The following CNTNAP5 variants were observed in gnomAD, a reference collection of about 807,000 sequenced individuals.
CNTNAP5 encodes the protein contactin associated protein family member 5.
A neutral mutation model predicts 150.2 loss-of-function variants in CNTNAP5; 72 were observed. The ratio of observed to expected loss-of-function variants is 0.48; its 90% CI spans 0.40 to 0.58. The LOEUF (loss-of-function observed/expected upper bound fraction) is 0.58. Among genes scored for constraint, CNTNAP5 ranks in the 20% least tolerant of loss-of-function variants. The pLI, the probability that CNTNAP5 is intolerant of heterozygous loss-of-function variation, is 0.00. For missense variants in CNTNAP5, 1,636 were observed against 1,626.2 expected, an observed-to-expected ratio of 1.01 and a Z score of -0.10; for synonymous variants, 672 against 619.8, an observed-to-expected ratio of 1.08 and a Z score of -1.25.
intron 3 of CNTNAP5, among the ~76,000 whole-genome samples, chr2:124,407,784 T>C (rs115692376): frequency 0.011 from 1,621 of 152,326 alleles, 23 homozygotes; most frequent in African/African-American, 0.036. Context: ...CAATCTTCCC[T>C]ACTTAATTAC....
At chr2:124,662,969 T>C (rs1678623477) in intron 13 of CNTNAP5, among the ~76,000 whole-genome samples, 1 of 152,232 alleles carries the variant, frequency 6.6e-6, no homozygotes, top group South Asian at 2.1e-4. Context: ...TTAGCCCAGC[T>C]TTTGATTGTA....
intron 1 of CNTNAP5, among the ~76,000 whole-genome samples, chr2:124,119,464 A>C (rs1192034215): frequency 6.6e-6 from 1 of 152,064 alleles, no homozygotes; most frequent in Non-Finnish European, 1.5e-5. Context: ...AGAATGGGTA[A>C]ATCTTGTTCT....
chr2:124,212,773 C>G (rs1035857392), intron 1 of CNTNAP5, among the ~76,000 whole-genome samples: 7 of 151,140 alleles, frequency 4.6e-5, no homozygotes, highest in Admixed American at 6.6e-5. Flanking sequence ...ACTTTCAGTA[C>G]CACCAATGAT....
chr2:124,097,628 C>T (rs1682965753), intron 1 of CNTNAP5, among the ~76,000 whole-genome samples: 1 of 152,178 alleles, frequency 6.6e-6, no homozygotes, highest in Non-Finnish European at 1.5e-5. Context: ...TTTCCCTATG[C>T]TCTACTTGAA....
chr2:124,669,869 C>T (rs1482003723), intron 13 of CNTNAP5, among the ~76,000 whole-genome samples: 1 of 152,182 alleles, frequency 6.6e-6, no homozygotes, highest in Non-Finnish European at 1.5e-5. Flanking sequence ...CTTGGCCATT[C>T]CCAGGCCCAA....
intron 13 of CNTNAP5, among the ~76,000 whole-genome samples, chr2:124,682,622 T>A (rs911986442): frequency 1.3e-5 from 2 of 152,202 alleles, no homozygotes; most frequent in Non-Finnish European, 2.9e-5. Context: ...GTAGTTTCTC[T>A]CGGGTAGACA....
intron 19 of CNTNAP5, among the ~76,000 whole-genome samples, chr2:124,813,671 G>C (rs1682288458): frequency 6.6e-6 from 1 of 151,418 alleles, no homozygotes; most frequent in African/African-American, 2.4e-5. Context: ...ATCTGCTTCT[G>C]CTTGATTTTT....
chr2:124,688,650 G>T (rs1490058900), intron 13 of CNTNAP5, among the ~76,000 whole-genome samples: 1 of 152,080 alleles, frequency 6.6e-6, no homozygotes, highest in African/African-American at 2.4e-5. Context: ...TCGGGGACAT[G>T]CAGTTAGCTA....
chr2:124,669,130 C>G (rs940873611), intron 13 of CNTNAP5, among the ~76,000 whole-genome samples: 1 of 152,194 alleles, frequency 6.6e-6, no homozygotes, highest in East Asian at 1.9e-4. Context: ...TATTCACTCA[C>G]TTTCATTTCA....
At chr2:124,797,554 GT>G (rs1251945879) in intron 18 of CNTNAP5, among the ~76,000 whole-genome samples, 1 of 152,142 alleles carries the variant, frequency 6.6e-6, no homozygotes, top group Non-Finnish European at 1.5e-5. Flanking sequence ...CTTATTTGCT[GT>G]TTTCGTTGTT....
chr2:124,206,239 C>G (rs1189708425), intron 1 of CNTNAP5, among the ~76,000 whole-genome samples: 1 of 152,168 alleles, frequency 6.6e-6, no homozygotes, highest in Non-Finnish European at 1.5e-5. Flanking sequence ...GGCTCAGTTT[C>G]TTTATAAAAC....
chr2:124,890,972 CTTCA>C (rs1678182614), intron 21 of CNTNAP5, among the ~76,000 whole-genome samples: 2 of 152,052 alleles, frequency 1.3e-5, no homozygotes, highest in Admixed American at 1.3e-4. Flanking sequence ...AGAGCTTTAC[CTTCA>C]TTATTACATT....
At chr2:124,504,705 T>A in intron 8 of CNTNAP5, 149 bp downstream of exon 8, 1 of 116,002 alleles carries the variant, frequency 8.6e-6, no homozygotes, top group Non-Finnish European at 1.3e-5. Flanking sequence ...GAGGCAGCAT[T>A]TTTTTTTTTT....
At chr2:124,670,160 C>CCTTT (rs1221884559) in intron 13 of CNTNAP5, among the ~76,000 whole-genome samples, 15 of 134,270 alleles carry the variant, frequency 1.1e-4, no homozygotes, top group African/African-American at 4.4e-4. Context: ...TTCCTTCCTT[C>CCTTT]CTTCCTTCCT....
In CNTNAP5 at chr2:124,336,972, G is replaced by C. The variant is rs564241234; in HGVS notation, c.382-80471G>C. On this transcript the variant is annotated intron_variant, in intron 3 of 23. Transcript: ENST00000682447. ...CACACTGATTTCCACAGTGGTTGAAGTAGTTTACAGTCCCACCAACAGTGT... is the reference window on the plus strand; with the variant it reads ...CACACTGATTTCCACAGTGGTTGAACTAGTTTACAGTCCCACCAACAGTGT... Among the ~76,000 whole-genome samples, 304 of 152,204 alleles carry C rather than the reference G, an allele frequency of 2.0e-3. 1 individual carries two copies. Among genetic ancestry groups the C allele is most frequent in the African/African-American group, 6.8e-3 (284 of 41,536 alleles).
chr2:124,849,420 G>A (rs1683111369), intron 19 of CNTNAP5, among the ~76,000 whole-genome samples: 3 of 152,062 alleles, frequency 2.0e-5, no homozygotes, highest in Non-Finnish European at 4.4e-5. Context: ...GATAACATAA[G>A]CTTTTGATCA....
At chr2:124,197,317 A>G (rs892559790) in intron 1 of CNTNAP5, among the ~76,000 whole-genome samples, 14 of 152,152 alleles carry the variant, frequency 9.2e-5, no homozygotes, top group African/African-American at 2.9e-4. Flanking sequence ...CTACACTTCT[A>G]TATTTAGTTT....
At chr2:124,200,854 GTTT>G in intron 1 of CNTNAP5, among the ~76,000 whole-genome samples, 1 of 152,172 alleles carries the variant, frequency 6.6e-6, no homozygotes, top group South Asian at 2.1e-4. Context: ...TGAAACCTGG[GTTT>G]CCTGCAGTTT....
At chr2:124,237,664 C>T (rs1479043835) in intron 2 of CNTNAP5, among the ~76,000 whole-genome samples, 1 of 152,072 alleles carries the variant, frequency 6.6e-6, no homozygotes, top group Non-Finnish European at 1.5e-5. Flanking sequence ...TGGTGAAACC[C>T]TGTTTCTACT....
Sources: gnomAD v4.1 joint callset for allele counts (sites outside exome capture counted in the v4.1 genomes callset) on GRCh38, gnomAD v4.1.1 for gene constraint, MANE v1.5 for transcripts, NCBI Gene and HGNC (gene_info 2026-07-23, HGNC 2026-07-21) for gene names.